The following TMCC1 variants were observed in gnomAD, a reference collection of about 807,000 sequenced individuals.
TMCC1 encodes the protein transmembrane and coiled-coil domain family 1.
In TMCC1, 15 loss-of-function variants were observed where a neutral mutation model predicts 52.4. That is an observed-to-expected ratio of 0.29 (90% CI 0.19 to 0.44). The LOEUF (loss-of-function observed/expected upper bound fraction) is 0.44. Ranked by LOEUF, TMCC1 falls within the 20% of genes least tolerant of loss-of-function variation. The probability of loss-of-function intolerance (pLI) is 1.00; values close to 1 mark genes in which losing one functional copy is unlikely to be tolerated. For synonymous variants in TMCC1, 279 were observed against 301.9 expected (o/e 0.92, Z 0.79); for missense variants, 503 against 806.0 (o/e 0.62, Z 4.55).
chr3:129,781,053 T>C (rs186635581), intron 4 of TMCC1, among the ~76,000 whole-genome samples: 3 of 152,300 alleles, frequency 2.0e-5, no homozygotes, highest in East Asian at 1.9e-4. Context: ...GAAAGTTCTA[T>C]TGGATGGCTC....
intron 2 of TMCC1, among the ~76,000 whole-genome samples, chr3:129,863,650 T>C: frequency 6.6e-6 from 1 of 151,958 alleles, no homozygotes; most frequent in South Asian, 2.1e-4. Context: ...TCACCTGAGG[T>C]CAGGAGTTCA....
intron 2 of TMCC1, among the ~76,000 whole-genome samples, chr3:129,839,655 T>C (rs1309373861): frequency 2.0e-5 from 3 of 151,748 alleles, no homozygotes; most frequent in Non-Finnish European, 4.4e-5. Flanking sequence ...ACTCAAGAGG[T>C]AGGAGGATCG....
rs753371164 is a variant in TMCC1, at chr3:129,650,837, G to C, written c.*644C>G. ...TACTTAAAAATACTGTAGTAGGACTGTGCAGTGATCCTTTGGGGGATGATG... is the reference window on the plus strand; with the variant it reads ...TACTTAAAAATACTGTAGTAGGACTCTGCAGTGATCCTTTGGGGGATGATG... On this transcript the variant is annotated 3_prime_UTR_variant, in exon 7 of 7. Coordinates refer to ENST00000393238, the MANE Select transcript of TMCC1 (RefSeq NM_001017395.5). 6.5e-6 allele frequency: 1 copy of C among 153,620 alleles called. No individual in the cohort carries two copies. The highest frequency in any genetic ancestry group is 6.5e-5 in the Admixed American group (1 of 15,490). 9.5% of individuals were successfully genotyped at this position (153,620 alleles called of 1,614,324 possible).
At chr3:129,656,825 C>T (rs1467545714) in intron 5 of TMCC1, 2 of 152,182 alleles carry the variant, frequency 1.3e-5, no homozygotes, top group Non-Finnish European at 2.9e-5. Flanking sequence ...TTCTCTGTGA[C>T]TCTGCCTTTT....
intron 2 of TMCC1, chr3:129,866,993 A>G (rs1189871073): frequency 6.6e-6 from 1 of 152,176 alleles, no homozygotes; most frequent in African/African-American, 2.4e-5. Context: ...AGGACAGGAA[A>G]AGTTATTTTT....
chr3:129,675,156 C>T (rs1381852116), intron 4 of TMCC1, among the ~76,000 whole-genome samples: 1 of 152,188 alleles, frequency 6.6e-6, no homozygotes, highest in South Asian at 2.1e-4. Context: ...TTCTAACTCA[C>T]TCCAGATAGA....
At chr3:129,774,007 A>T (rs752247010) in intron 4 of TMCC1, among the ~76,000 whole-genome samples, 16 of 152,240 alleles carry the variant, frequency 1.1e-4, no homozygotes, top group East Asian at 1.9e-4. Flanking sequence ...TACAAAAAAA[A>T]TTAACTGTTT....
rs188816645 is a variant in TMCC1 at position 129,681,848 on chromosome 3, T to C, written c.577-10584A>G. On this transcript the variant is annotated intron_variant, in intron 4 of 6. Transcript: ENST00000393238. ...GCTTGAACCTGGGAGGTGGAGGGTG[T>C]AGTGAGCTGAGATCATACCACTGCA... 1.4e-3 allele frequency among the ~76,000 whole-genome samples: 212 copies of C among 149,990 alleles called. 1 individual carries two copies. The highest frequency in any genetic ancestry group is 5.1e-3 in the African/African-American group (208 of 40,680).
At chr3:129,688,271 A>T in intron 4 of TMCC1, 1 of 985,422 alleles carries the variant, frequency 1.0e-6, no homozygotes, top group Non-Finnish European at 1.2e-6. Context: ...GGTAAAAAAA[A>T]AAAAATCACA....
At chr3:129,872,814 C>T (rs2060993078) in intron 2 of TMCC1, among the ~76,000 whole-genome samples, 1 of 152,038 alleles carries the variant, frequency 6.6e-6, no homozygotes, top group Non-Finnish European at 1.5e-5. Context: ...AATATTTTTA[C>T]AGCTTAAGTC....
chr3:129,867,840 A>C (rs944271429), intron 2 of TMCC1, among the ~76,000 whole-genome samples: 1 of 152,242 alleles, frequency 6.6e-6, no homozygotes, highest in African/African-American at 2.4e-5. Flanking sequence ...GTGATTCTAA[A>C]GATGACGACA....
rs1172575352 is a variant in TMCC1 at position 129,649,095 on chromosome 3, G to A, written c.*2386C>T. 1.3e-5 allele frequency: 2 copies of A among 152,156 alleles called. No homozygotes were observed. The highest frequency in any genetic ancestry group is 3.9e-4 in the East Asian group (2 of 5,190). 9.4% of individuals were successfully genotyped at this position (152,156 alleles called of 1,614,324 possible). A position where few individuals can be genotyped will look rare whatever the true frequency, so the allele number is the denominator to read the frequency against. The stretch of plus-strand genomic sequence containing the variant: ...GATAGAAACCGTCCCAGGGCAAATA[G>A]GAACAGTTTCAATCCATCTATCAAA... On this transcript the variant is annotated 3_prime_UTR_variant, in exon 7 of 7. Transcript: ENST00000393238.
chr3:129,836,544 G>C (rs1003953856), intron 2 of TMCC1, among the ~76,000 whole-genome samples: 6 of 152,192 alleles, frequency 3.9e-5, no homozygotes, highest in African/African-American at 1.4e-4. Context: ...TTCAAAAAGA[G>C]CTGGGAGGAA....
intron 4 of TMCC1, among the ~76,000 whole-genome samples, chr3:129,715,287 G>A (rs930907474): frequency 7.2e-5 from 11 of 152,154 alleles, no homozygotes; most frequent in African/African-American, 2.2e-4. Flanking sequence ...GGCCAGGCGC[G>A]GTGGCTCACG....
Position 129,880,448 on chromosome 3 carries a change from G to T in TMCC1, c.-323C>A, listed in dbSNP as rs1489249127. 2 of 152,286 alleles carry T rather than the reference G, an allele frequency of 1.3e-5. No homozygotes were observed. Among genetic ancestry groups the T allele is most frequent in the Middle Eastern group, 3.4e-3 (1 of 294 alleles). The allele number at this position is 152,286 out of a possible 1,614,324, so 9.4% of individuals were successfully genotyped here. On this transcript the variant is annotated 5_prime_UTR_variant, in exon 2 of 7. Transcript: ENST00000393238. Reference sequence around the variant, plus strand: ...CCATATGAAAAAGAGATCCAATCTGGGAGGATGGACACTGTGTCTTCTAAA... The same window carrying T: ...CCATATGAAAAAGAGATCCAATCTGTGAGGATGGACACTGTGTCTTCTAAA...
intron 4 of TMCC1, among the ~76,000 whole-genome samples, chr3:129,738,086 C>A (rs1397562714): frequency 6.6e-6 from 1 of 151,944 alleles, no homozygotes; most frequent in African/African-American, 2.4e-5. Context: ...GCCTGGCCAA[C>A]ACGGCAAAAC....
chr3:129,666,521 C>A (rs966301206), intron 5 of TMCC1, among the ~76,000 whole-genome samples: 23 of 150,838 alleles, frequency 1.5e-4, no homozygotes, highest in African/African-American at 5.6e-4. Context: ...GGTGGATCAC[C>A]TGAGGTCAGG....
intron 4 of TMCC1, among the ~76,000 whole-genome samples, chr3:129,686,039 G>A (rs540970867): frequency 3.3e-5 from 5 of 152,228 alleles, no homozygotes; most frequent in Admixed American, 3.3e-4. Context: ...ACCTTATGAT[G>A]AACTCTTATC....
chr3:129,860,253 T>A (rs1390132337), intron 2 of TMCC1, among the ~76,000 whole-genome samples: 1 of 151,798 alleles, frequency 6.6e-6, no homozygotes, highest in Non-Finnish European at 1.5e-5. Context: ...TTTTTTTTTT[T>A]AATAGAGATG....
Sources: allele counts gnomAD v4.1 joint callset (sites outside exome capture counted in the v4.1 genomes callset), GRCh38; gene constraint gnomAD v4.1.1; transcripts MANE v1.5; gene names NCBI Gene and HGNC (gene_info 2026-07-23, HGNC 2026-07-21).